Variants in MACROD2 observed in about 807,000 individuals in gnomAD.
MACROD2 encodes the protein ADP-ribose glycohydrolase MACROD2.
MACROD2 carries 36 observed loss-of-function variants against 70.4 expected under a neutral mutation model. That is an observed-to-expected ratio of 0.51 (90% CI 0.39 to 0.68). The LOEUF is 0.68. Ranked by LOEUF, MACROD2 falls within the 30% of genes least tolerant of loss-of-function variation. MACROD2 has a pLI of 0.00. For synonymous variants in MACROD2, 172 were observed against 178.8 expected (o/e 0.96, Z 0.30); for missense variants, 496 against 538.4 (o/e 0.92, Z 0.78).
intron 9 of MACROD2, among the ~76,000 whole-genome samples, chr20:15,878,386 C>T (rs2064705729): frequency 6.6e-6 from 1 of 152,118 alleles, no homozygotes; most frequent in East Asian, 1.9e-4. Context: ...GCATGAGTGT[C>T]ACCTGGAGGG....
chr20:15,079,638 C>G (rs1442145515), intron 5 of MACROD2, among the ~76,000 whole-genome samples: 1 of 152,108 alleles, frequency 6.6e-6, no homozygotes, highest in Non-Finnish European at 1.5e-5. Flanking sequence ...GTGATGATCT[C>G]TCCAGAACAC....
chr20:14,828,108 AT>A (rs1487014853), intron 5 of MACROD2, among the ~76,000 whole-genome samples: 1 of 152,144 alleles, frequency 6.6e-6, no homozygotes, highest in African/African-American at 2.4e-5. Flanking sequence ...AATAGTTGAT[AT>A]TCTTTCAGAA....
chr20:14,433,177 A>G (rs1408853739), intron 3 of MACROD2, among the ~76,000 whole-genome samples: 1 of 152,160 alleles, frequency 6.6e-6, no homozygotes, highest in African/African-American at 2.4e-5. Context: ...GGAAATTGTC[A>G]TTTTATGGTC....
rs143352933 is a variant in MACROD2, at chr20:15,125,589, A to T, written c.419-104351A>T. Among the ~76,000 whole-genome samples the T allele has an allele frequency of 3.3e-5, 5 of 152,196 alleles. No individual in the cohort carries two copies. In the East Asian group the frequency reaches 9.7e-4, roughly 29 times the overall value. ...ATATTAGCAATGTTTTATTTTATGT[A>T]TTTGATACCTTGAATGGATCATTTT... On this transcript the variant is annotated intron_variant, in intron 5 of 17. Transcript: ENST00000684519.
At chr20:14,275,684 G>T (rs2082246431) in intron 3 of MACROD2, among the ~76,000 whole-genome samples, 1 of 152,128 alleles carries the variant, frequency 6.6e-6, no homozygotes, top group Non-Finnish European at 1.5e-5. Flanking sequence ...TACCATCAGA[G>T]TGAACAGACA....
chr20:14,357,455 C>T (rs1284764769), intron 3 of MACROD2, among the ~76,000 whole-genome samples: 1 of 152,128 alleles, frequency 6.6e-6, no homozygotes, highest in African/African-American at 2.4e-5. Flanking sequence ...ATTCTACAAT[C>T]TATGAATGTA....
intron 5 of MACROD2, among the ~76,000 whole-genome samples, chr20:15,155,468 G>C (rs758723765): frequency 3.9e-5 from 6 of 152,008 alleles, no homozygotes; most frequent in Non-Finnish European, 8.8e-5. Context: ...CACCTGAACT[G>C]CCCACCCTGC....
intron 8 of MACROD2, among the ~76,000 whole-genome samples, chr20:15,719,396 T>G (rs2050752982): frequency 6.6e-6 from 1 of 152,206 alleles, no homozygotes; most frequent in Admixed American, 6.5e-5. Context: ...CAGAGTTTTC[T>G]TTACTGTCTA....
intron 4 of MACROD2, among the ~76,000 whole-genome samples, chr20:14,629,777 GC>G (rs1284937054): frequency 6.6e-6 from 1 of 152,070 alleles, no homozygotes; most frequent in Non-Finnish European, 1.5e-5. Flanking sequence ...CTCTAGCCAA[GC>G]CTTTTTTCTT....
chr20:14,678,380 A>C (rs959743876), intron 4 of MACROD2, among the ~76,000 whole-genome samples: 1 of 152,200 alleles, frequency 6.6e-6, no homozygotes, highest in Admixed American at 6.5e-5. Context: ...GCTTTGGTGA[A>C]CAAACAGCAG....
intron 3 of MACROD2, among the ~76,000 whole-genome samples, chr20:14,277,408 A>G (rs2082269022): frequency 6.6e-6 from 1 of 152,208 alleles, no homozygotes; most frequent in African/African-American, 2.4e-5. Context: ...ACGCCACTGC[A>G]CTCCAGCGTG....
rs529188639 is a variant in MACROD2 at position 15,903,790 on chromosome 20, T to C, written c.775+17979T>C. Among the ~76,000 whole-genome samples, 104 of 152,318 alleles carry C rather than the reference T, an allele frequency of 6.8e-4. 1 individual carries two copies. The highest frequency in any genetic ancestry group is 2.4e-3 in the African/African-American group (101 of 41,580). On this transcript the variant is annotated intron_variant, in intron 10 of 17. Coordinates refer to ENST00000684519, the MANE Select transcript of MACROD2 (RefSeq NM_001351661.2). ...AAAAGAAATCTTCTGGTTATTGTGT[T>C]GAGAATAGACTGGGCTAAGGGAAGA...
chr20:15,703,323 C>A (rs2050487038), intron 8 of MACROD2, among the ~76,000 whole-genome samples: 1 of 152,190 alleles, frequency 6.6e-6, no homozygotes, highest in Non-Finnish European at 1.5e-5. Flanking sequence ...TCTGCATGGA[C>A]CTGCCCAGAA....
At chr20:15,461,000 A>AT (rs1451007880) in intron 7 of MACROD2, among the ~76,000 whole-genome samples, 869 of 69,214 alleles carry the variant, frequency 0.013, 31 homozygotes, top group African/African-American at 0.049. Flanking sequence ...ATATATATAT[A>AT]TATATATTTT....
At chr20:15,016,086 G>T (rs1600950224) in intron 5 of MACROD2, among the ~76,000 whole-genome samples, 1 of 151,770 alleles carries the variant, frequency 6.6e-6, no homozygotes, top group Non-Finnish European at 1.5e-5. Context: ...ACCTCTAGCT[G>T]AAGTGTTTTT....
rs550230611 is a variant in MACROD2 at position 15,313,438 on chromosome 20, C to T, written c.540+83377C>T. Among the ~76,000 whole-genome samples, 39 of 144,088 alleles carry T rather than the reference C, an allele frequency of 2.7e-4. No individual in the cohort carries two copies. In the South Asian group the frequency reaches 3.7e-3, roughly 14 times the overall value. 94.5% of individuals were successfully genotyped at this position (144,088 alleles called of 152,430 possible). On this transcript the variant is annotated intron_variant, in intron 6 of 17. Coordinates refer to ENST00000684519, the MANE Select transcript of MACROD2 (RefSeq NM_001351661.2). ...AGGAGAATGGCATGATCCTGGGAGACGGATCTTGCAGTGAGCCAAGATCAC... is the reference window on the plus strand; with the variant it reads ...AGGAGAATGGCATGATCCTGGGAGATGGATCTTGCAGTGAGCCAAGATCAC...
intron 8 of MACROD2, among the ~76,000 whole-genome samples, chr20:15,834,439 CTCTT>C (rs975742666): frequency 9.9e-5 from 15 of 152,128 alleles, no homozygotes; most frequent in African/African-American, 3.4e-4. Flanking sequence ...TACCAAGTAC[CTCTT>C]TATTTCTTAA....
intron 8 of MACROD2, among the ~76,000 whole-genome samples, chr20:15,691,711 A>G (rs947623200): frequency 1.3e-5 from 2 of 152,192 alleles, no homozygotes; most frequent in Non-Finnish European, 2.9e-5. Context: ...AAAAGCAAAC[A>G]TGGATGTTGC....
chr20:15,305,284 G>T (rs569993714), intron 6 of MACROD2, among the ~76,000 whole-genome samples: 134 of 151,568 alleles, frequency 8.8e-4, no homozygotes, highest in Non-Finnish European at 1.7e-3. Flanking sequence ...ATGAAACAGC[G>T]CACCTATTGA....
Sources: gnomAD v4.1 joint callset for allele counts (sites outside exome capture counted in the v4.1 genomes callset) on GRCh38, gnomAD v4.1.1 for gene constraint, MANE v1.5 for transcripts, NCBI Gene and HGNC (gene_info 2026-07-23, HGNC 2026-07-21) for gene names.